Variants in DGCR2 observed in about 807,000 individuals in gnomAD.
The protein encoded by DGCR2 is integral membrane protein DGCR2/IDD.
Under a neutral mutation model 51.6 loss-of-function variants are expected in DGCR2, and 24 were observed. That is an observed-to-expected ratio of 0.47 (90% CI 0.34 to 0.65). The LOEUF (loss-of-function observed/expected upper bound fraction) is 0.65. Ranked by LOEUF, DGCR2 falls within the 30% of genes least tolerant of loss-of-function variation. DGCR2 has a pLI of 0.01. For synonymous variants in DGCR2, 340 were observed against 315.4 expected, an observed-to-expected ratio of 1.08 and a Z score of -0.82; for missense variants, 765 against 772.1, an observed-to-expected ratio of 0.99 and a Z score of 0.11.
At chr22:19,044,290 T>G (rs2082464473) in intron 7 of DGCR2, among the ~76,000 whole-genome samples, 1 of 152,108 alleles carries the variant, frequency 6.6e-6, no homozygotes, top group African/African-American at 2.4e-5. Flanking sequence ...CTCCATGGAG[T>G]TCTGGGCTGT....
At chr22:19,120,684 C>T (rs2083422313) in intron 1 of DGCR2, among the ~76,000 whole-genome samples, 2 of 152,172 alleles carry the variant, frequency 1.3e-5, no homozygotes, top group South Asian at 4.1e-4. Flanking sequence ...GCCCGGTGAC[C>T]TCATCTGCAA....
intron 2 of DGCR2, among the ~76,000 whole-genome samples, chr22:19,079,206 A>C (rs941551283): frequency 6.6e-6 from 1 of 152,214 alleles, no homozygotes. Context: ...AGCCCAGCCC[A>C]AAATCCAAAA....
chr22:19,060,616 C>A (rs144202736), intron 5 of DGCR2: 3 of 221,622 alleles, frequency 1.4e-5, no homozygotes, highest in African/African-American at 7.0e-5. Context: ...GGGAGCAGCA[C>A]GTGGGGCGGT....
chr22:19,089,747 A>C (rs1264988855), intron 1 of DGCR2, among the ~76,000 whole-genome samples: 2 of 152,176 alleles, frequency 1.3e-5, no homozygotes, highest in Non-Finnish European at 2.9e-5. Context: ...TGCCTAGCTA[A>C]TTTTTATATT....
intron 1 of DGCR2, among the ~76,000 whole-genome samples, chr22:19,104,354 C>T (rs1167237289): frequency 6.7e-6 from 1 of 149,746 alleles, no homozygotes; most frequent in Non-Finnish European, 1.5e-5. Context: ...TCAATTTCTC[C>T]TTTGTCAGCA....
intron 1 of DGCR2, among the ~76,000 whole-genome samples, chr22:19,116,237 T>C (rs1182804483): frequency 6.6e-6 from 1 of 152,184 alleles, no homozygotes; most frequent in Non-Finnish European, 1.5e-5. Context: ...AAACCAGACC[T>C]GAGCTTCCCC....
intron 2 of DGCR2, among the ~76,000 whole-genome samples, chr22:19,071,931 A>C (rs2145981156): frequency 6.6e-6 from 1 of 152,292 alleles, no homozygotes; most frequent in East Asian, 1.9e-4. Context: ...AACCCGGGTA[A>C]AGGTGCGGCA....
At position 19,056,952 on chromosome 22, in the gene DGCR2, C is replaced by G. The variant is rs752859578; in HGVS notation, c.802+34G>C. ...CAACAAAGTGACACAAGGGCCCAGA[C>G]ATTCCCCAAGAACGCCAGCTCAAGG... On this transcript the variant is annotated intron_variant, in intron 6 of 9. Coordinates refer to ENST00000263196, the MANE Select transcript of DGCR2 (RefSeq NM_005137.3). The G allele has an allele frequency of 2.5e-5, 38 of 1,535,974 alleles. 1 individual carries two copies. The East Asian group carries it at 8.8e-4, about 35-fold the overall frequency.
At chr22:19,100,247 C>G (rs1036720159) in intron 1 of DGCR2, among the ~76,000 whole-genome samples, 5 of 152,060 alleles carry the variant, frequency 3.3e-5, no homozygotes, top group Admixed American at 1.3e-4. Context: ...CCAGCCTGTA[C>G]AACAGAACAA....
At chr22:19,060,806 G>A (rs756473922) in intron 5 of DGCR2, 2 of 492,132 alleles carry the variant, frequency 4.1e-6, no homozygotes, top group East Asian at 1.1e-4. Context: ...TCACAGGCTG[G>A]TGTGGGCCTG....
chr22:19,099,488 T>A (rs1444188453), intron 1 of DGCR2, among the ~76,000 whole-genome samples: 7 of 150,782 alleles, frequency 4.6e-5, no homozygotes. Context: ...GAGGCTGAGG[T>A]GGGAGAATCA....
chr22:19,093,400 C>T (rs2083102156), intron 1 of DGCR2, among the ~76,000 whole-genome samples: 1 of 149,122 alleles, frequency 6.7e-6, no homozygotes, highest in South Asian at 2.1e-4. Flanking sequence ...CATAGGCCTA[C>T]AGGTGAAGCC....
chr22:19,073,312 G>C (rs2082837549), intron 2 of DGCR2, among the ~76,000 whole-genome samples: 1 of 152,052 alleles, frequency 6.6e-6, no homozygotes, highest in Non-Finnish European at 1.5e-5. Flanking sequence ...ACTCATAAAA[G>C]ATTTGGCAGA....
intron 7 of DGCR2, 144 bp downstream of exon 7, chr22:19,048,296 C>T: frequency 2.4e-6 from 2 of 836,834 alleles, no homozygotes; most frequent in Non-Finnish European, 3.8e-6. Context: ...GTCTCTGAGA[C>T]ATCTCTGTGA....
At chr22:19,090,234 C>A (rs1484794349) in intron 1 of DGCR2, among the ~76,000 whole-genome samples, 1 of 152,148 alleles carries the variant, frequency 6.6e-6, no homozygotes, top group Non-Finnish European at 1.5e-5. Flanking sequence ...ACCTCACACA[C>A]CCTAATACAT....
Position 19,122,116 on chromosome 22 carries a change from C to A in DGCR2, c.79+12G>T, listed in dbSNP as rs2146072846. 1.3e-6 allele frequency: 2 copies of A among 1,485,332 alleles called. No individual in the cohort carries two copies. Among genetic ancestry groups the A allele is most frequent in the Middle Eastern group, 2.0e-4 (1 of 5,046 alleles). The allele number at this position is 1,485,332 out of a possible 1,614,324, so 92.0% of individuals were successfully genotyped here. ...CGCCCAGCCCCCACACCGCCCCCATCGCGCGGCGCACCTGGCCGCAGCGGC... is the reference window on the plus strand; with the variant it reads ...CGCCCAGCCCCCACACCGCCCCCATAGCGCGGCGCACCTGGCCGCAGCGGC... On this transcript the variant is annotated intron_variant, in intron 1 of 9. Transcript: ENST00000263196.
At chr22:19,062,784 C>CATTCTCATTCTCAT (rs201271246) in intron 5 of DGCR2, among the ~76,000 whole-genome samples, 2 of 140,458 alleles carry the variant, frequency 1.4e-5, no homozygotes, top group Non-Finnish European at 3.1e-5. Context: ...TGCTCACTCT[C>CATTCTCATTCTCAT]TCTCTCTCTC....
intron 2 of DGCR2, among the ~76,000 whole-genome samples, chr22:19,069,485 T>C (rs1390839392): frequency 1.3e-5 from 2 of 152,252 alleles, no homozygotes; most frequent in Non-Finnish European, 2.9e-5. Flanking sequence ...TATTTAACTA[T>C]GCGAGCATCT....
Position 19,038,584 on chromosome 22 carries a change from G to T in DGCR2, c.*281C>A. The T allele has an allele frequency of 2.0e-6, 1 of 501,928 alleles. No individual in the cohort carries two copies. Among genetic ancestry groups the T allele is most frequent in the Non-Finnish European group, 3.5e-6 (1 of 283,180 alleles). The allele number at this position is 501,928 out of a possible 1,614,324, so 31.1% of individuals were successfully genotyped here. A position where few individuals can be genotyped will look rare whatever the true frequency, so the allele number is the denominator to read the frequency against. Reference sequence around the variant, plus strand: ...TTCATTCCCTGCCTCTAACATGTGCGGTCTGAATGAATTTTGTCACTCTTC... The same window carrying T: ...TTCATTCCCTGCCTCTAACATGTGCTGTCTGAATGAATTTTGTCACTCTTC... On this transcript the variant is annotated 3_prime_UTR_variant, in exon 10 of 10. Transcript: ENST00000263196.
Sources: gnomAD v4.1 joint callset for allele counts (sites outside exome capture counted in the v4.1 genomes callset) on GRCh38, gnomAD v4.1.1 for gene constraint, MANE v1.5 for transcripts, NCBI Gene and HGNC (gene_info 2026-07-23, HGNC 2026-07-21) for gene names.